The following CTNNA1 variants were observed in gnomAD, a reference collection of about 807,000 sequenced individuals.
The protein encoded by CTNNA1 is catenin alpha 1, also known as catenin alpha-1.
A neutral mutation model predicts 98.4 loss-of-function variants in CTNNA1; 37 were observed. The observed-to-expected ratio is 0.38, with a 90% CI of 0.29 to 0.49. The LOEUF (loss-of-function observed/expected upper bound fraction) is 0.49, where lower values mean the gene tolerates loss of function less well. CTNNA1 is among the 20% of genes least tolerant of loss of function. The pLI is 0.95. For missense variants in CTNNA1, 761 were observed against 1,147.2 expected, an observed-to-expected ratio of 0.66 and a Z score of 4.86; for synonymous variants, 404 against 413.2, an observed-to-expected ratio of 0.98 and a Z score of 0.27.
At chr5:138,893,325 A>G (rs1372820728) in intron 9 of CTNNA1, among the ~76,000 whole-genome samples, 1 of 152,060 alleles carries the variant, frequency 6.6e-6, no homozygotes, top group Non-Finnish European at 1.5e-5. Context: ...CAGCATCCCT[A>G]GGCTTTCCAT....
intron 10 of CTNNA1, among the ~76,000 whole-genome samples, chr5:138,910,942 T>TG: frequency 6.6e-6 from 1 of 152,116 alleles, no homozygotes; most frequent in East Asian, 1.9e-4. Context: ...CTTACTTAGG[T>TG]TGTAACAAGA....
chr5:138,788,547 C>T (rs1455403836), intron 3 of CTNNA1, among the ~76,000 whole-genome samples: 4 of 152,218 alleles, frequency 2.6e-5, no homozygotes, highest in Admixed American at 2.0e-4. Context: ...ACATTTTTAT[C>T]ATCCCCCAAA....
At chr5:138,905,093 C>CAAA (rs781709207) in intron 10 of CTNNA1, among the ~76,000 whole-genome samples, 10 of 58,248 alleles carry the variant, frequency 1.7e-4, no homozygotes, top group African/African-American at 4.9e-4. Context: ...GACTCCGTCT[C>CAAA]AAAAAAAAAA....
At chr5:138,829,215 C>A (rs1186274107) in intron 7 of CTNNA1, among the ~76,000 whole-genome samples, 2 of 152,000 alleles carry the variant, frequency 1.3e-5, no homozygotes, top group Non-Finnish European at 2.9e-5. Context: ...GTTTTTAAGT[C>A]ACAGTGAAAA....
chr5:138,789,878 C>T lies in CTNNA1; in HGVS notation c.301+6506C>T, dbSNP rs539817162. ...AAGTGACACAGGACTCACTCACTAC[C>T]TCAAGGGGGAGCTCTTTCCAGTATT... On this transcript the variant is annotated intron_variant, in intron 3 of 17. Transcript: ENST00000302763. Among the ~76,000 whole-genome samples the T allele has an allele frequency of 1.5e-3, 226 of 152,328 alleles. 1 individual carries two copies. Among genetic ancestry groups the T allele is most frequent in the African/African-American group, 5.3e-3 (221 of 41,578 alleles).
At chr5:138,917,995 T>A (rs1580801715) in intron 11 of CTNNA1, 97 bp downstream of exon 11, 1 of 1,200,224 alleles carries the variant, frequency 8.3e-7, no homozygotes, top group Non-Finnish European at 1.2e-6. Flanking sequence ...TCTTGGCAGG[T>A]AAATTATTCT....
chr5:138,878,708 A>G (rs1311255018), intron 7 of CTNNA1, among the ~76,000 whole-genome samples: 1 of 152,180 alleles, frequency 6.6e-6, no homozygotes, highest in Non-Finnish European at 1.5e-5. Context: ...GCAAATGTAC[A>G]GATATATTCA....
At chr5:138,760,924 T>A (rs1291447596) in intron 1 of CTNNA1, among the ~76,000 whole-genome samples, 1 of 152,164 alleles carries the variant, frequency 6.6e-6, no homozygotes, top group Non-Finnish European at 1.5e-5. Flanking sequence ...AGGAGATGTC[T>A]CTCGGGCTGG....
chr5:138,786,634 A>T (rs2149666615), intron 3 of CTNNA1, among the ~76,000 whole-genome samples: 1 of 152,304 alleles, frequency 6.6e-6, no homozygotes, highest in African/African-American at 2.4e-5. Flanking sequence ...CTCATGGATT[A>T]TTCTGTCTGG....
At chr5:138,870,193 G>A (rs775184039) in intron 7 of CTNNA1, 1 of 152,212 alleles carries the variant, frequency 6.6e-6, no homozygotes, top group Non-Finnish European at 1.5e-5. Context: ...GATCCGCAGC[G>A]TTGCTGTGAT....
At chr5:138,918,947 G>A (rs1762367821) in intron 11 of CTNNA1, among the ~76,000 whole-genome samples, 1 of 152,206 alleles carries the variant, frequency 6.6e-6, no homozygotes, top group African/African-American at 2.4e-5. Context: ...ATATAAGGGT[G>A]ACTGTGTGTT....
intron 7 of CTNNA1, among the ~76,000 whole-genome samples, chr5:138,885,675 A>G (rs1194463460): frequency 6.6e-6 from 1 of 152,192 alleles, no homozygotes; most frequent in African/African-American, 2.4e-5. Context: ...GACCAAAGTA[A>G]TCCTACAAAG....
intron 7 of CTNNA1, among the ~76,000 whole-genome samples, chr5:138,829,317 A>G (rs1761031188): frequency 6.6e-6 from 1 of 152,234 alleles, no homozygotes. Flanking sequence ...ACAATGTTGC[A>G]GTCTTAAACA....
intron 7 of CTNNA1, chr5:138,875,353 G>A (rs937834780): frequency 3.0e-6 from 3 of 990,142 alleles, no homozygotes; most frequent in Non-Finnish European, 3.6e-6. Flanking sequence ...CTTATGTGCT[G>A]CGACCACACA....
intron 9 of CTNNA1, chr5:138,891,210 G>C (rs1017017648): frequency 1.3e-5 from 2 of 152,186 alleles, no homozygotes; most frequent in Non-Finnish European, 2.9e-5. Context: ...CTTCACACCA[G>C]AGTGAGTGGT....
chr5:138,886,384 T>C lies in CTNNA1; in HGVS notation c.1143+92T>C. The C allele has an allele frequency of 7.6e-6, 10 of 1,320,900 alleles. No individual in the cohort carries two copies. In the South Asian group the frequency reaches 1.5e-4, roughly 20 times the overall value. 81.8% of individuals were successfully genotyped at this position (1,320,900 alleles called of 1,614,324 possible). A position where few individuals can be genotyped will look rare whatever the true frequency, so the allele number is the denominator to read the frequency against. On this transcript the variant is annotated intron_variant, in intron 8 of 17. Coordinates refer to ENST00000302763, the MANE Select transcript of CTNNA1 (RefSeq NM_001903.5). ...AATAAGCACTGGCCTTATATTTTTT[T>C]ATTGAGAGAAAGGATGGATTTTCAC...
At chr5:138,835,871 T>C (rs1407706523) in intron 7 of CTNNA1, among the ~76,000 whole-genome samples, 3 of 152,130 alleles carry the variant, frequency 2.0e-5, no homozygotes, top group African/African-American at 7.2e-5. Flanking sequence ...TATTTACTTA[T>C]TTTTTGCTCT....
At chr5:138,768,144 T>C (rs556304514) in intron 1 of CTNNA1, among the ~76,000 whole-genome samples, 2 of 152,362 alleles carry the variant, frequency 1.3e-5, no homozygotes, top group South Asian at 4.1e-4. Flanking sequence ...TCGATTGTCG[T>C]ATGTCTTTAG....
At chr5:138,924,106 A>G (rs901117735) in intron 11 of CTNNA1, among the ~76,000 whole-genome samples, 1 of 152,222 alleles carries the variant, frequency 6.6e-6, no homozygotes, top group Non-Finnish European at 1.5e-5. Flanking sequence ...GAGAGGGGAC[A>G]GTGGACTTTT....
Sources: gnomAD v4.1 joint callset for allele counts (sites outside exome capture counted in the v4.1 genomes callset) on GRCh38, gnomAD v4.1.1 for gene constraint, MANE v1.5 for transcripts, NCBI Gene and HGNC (gene_info 2026-07-23, HGNC 2026-07-21) for gene names.